The following NXPH1 variants were observed in gnomAD, a reference collection of about 807,000 sequenced individuals.
The protein encoded by NXPH1 is neurexophilin 1, also known as neurexophilin-1.
In NXPH1, 5 loss-of-function variants were observed where a neutral mutation model predicts 23.7. That is an observed-to-expected ratio of 0.21 (90% CI 0.11 to 0.44). The LOEUF is 0.44. Ranked by LOEUF, NXPH1 falls within the 20% of genes least tolerant of loss-of-function variation. The pLI is 0.99. For missense variants in NXPH1, 324 were observed against 321.6 expected (o/e 1.01, Z -0.06); for synonymous variants, 144 against 122.2 (o/e 1.18, Z -1.18).
chr7:8,706,645 A>G (rs1243136199), intron 2 of NXPH1, among the ~76,000 whole-genome samples: 1 of 152,150 alleles, frequency 6.6e-6, no homozygotes, highest in African/African-American at 2.4e-5. Context: ...TTCCGACTCA[A>G]TGGGTTCATG....
At chr7:8,482,842 C>A (rs943781442) in intron 2 of NXPH1, among the ~76,000 whole-genome samples, 2 of 152,178 alleles carry the variant, frequency 1.3e-5, no homozygotes, top group African/African-American at 4.8e-5. Flanking sequence ...TGGATGGTGT[C>A]TTGGATAGAA....
At chr7:8,649,286 A>G (rs1357359552) in intron 2 of NXPH1, among the ~76,000 whole-genome samples, 2 of 151,380 alleles carry the variant, frequency 1.3e-5, no homozygotes, top group African/African-American at 2.4e-5. Flanking sequence ...TGTTTTTCAT[A>G]TGGTATTTAT....
At chr7:8,558,828 A>C (rs1818399541) in intron 2 of NXPH1, among the ~76,000 whole-genome samples, 1 of 151,724 alleles carries the variant, frequency 6.6e-6, no homozygotes, top group African/African-American at 2.4e-5. Flanking sequence ...ATTTTGTTTC[A>C]TAGATGACTG....
chr7:8,466,589 A>G (rs1816789641), intron 2 of NXPH1, among the ~76,000 whole-genome samples: 1 of 152,174 alleles, frequency 6.6e-6, no homozygotes, highest in Non-Finnish European at 1.5e-5. Context: ...TCGAAGGGAC[A>G]TTGTAAATTA....
At chr7:8,566,851 A>AT (rs1028336015) in intron 2 of NXPH1, among the ~76,000 whole-genome samples, 16 of 141,786 alleles carry the variant, frequency 1.1e-4, no homozygotes, top group Admixed American at 2.0e-4. Flanking sequence ...ATTCATTCAT[A>AT]TTTTTTTTCT....
intron 2 of NXPH1, among the ~76,000 whole-genome samples, chr7:8,451,432 A>C (rs1431740350): frequency 1.3e-5 from 2 of 152,190 alleles, no homozygotes; most frequent in Non-Finnish European, 2.9e-5. Context: ...TCTTTTTCTT[A>C]CTAACCTTGA....
intron 2 of NXPH1, among the ~76,000 whole-genome samples, chr7:8,738,217 C>T (rs140631412): frequency 0.011 from 1,622 of 152,290 alleles, 12 homozygotes; most frequent in Non-Finnish European, 0.016. Flanking sequence ...AAGAGGCATT[C>T]TGGATTTGGA....
intron 2 of NXPH1, among the ~76,000 whole-genome samples, chr7:8,703,015 G>T (rs1779650517): frequency 6.6e-6 from 1 of 152,058 alleles, no homozygotes; most frequent in East Asian, 1.9e-4. Flanking sequence ...GCCAATAGAG[G>T]GCACATGAGG....
chr7:8,659,007 T>TA (rs1562445668), intron 2 of NXPH1, among the ~76,000 whole-genome samples: 469 of 17,742 alleles, frequency 0.026, 86 homozygotes, highest in Middle Eastern at 0.17. Context: ...ATATATATAT[T>TA]TTTTTTTTTT....
At chr7:8,452,766 G>A (rs1301451516) in intron 2 of NXPH1, among the ~76,000 whole-genome samples, 6 of 152,104 alleles carry the variant, frequency 3.9e-5, no homozygotes, top group Non-Finnish European at 8.8e-5. Flanking sequence ...ATAGAAGTTG[G>A]TGCCTGATAA....
At chr7:8,439,853 A>G (rs1584155307) in intron 2 of NXPH1, among the ~76,000 whole-genome samples, 1 of 152,212 alleles carries the variant, frequency 6.6e-6, no homozygotes, top group Non-Finnish European at 1.5e-5. Flanking sequence ...AGGGAGAGAG[A>G]CCAGCAATGT....
At chr7:8,668,560 G>A (rs112587231) in intron 2 of NXPH1, among the ~76,000 whole-genome samples, 1 of 152,156 alleles carries the variant, frequency 6.6e-6, no homozygotes, top group Non-Finnish European at 1.5e-5. Flanking sequence ...GAGTCCATGG[G>A]GGTGGGCCTG....
At chr7:8,558,567 T>C (rs1413495511) in intron 2 of NXPH1, among the ~76,000 whole-genome samples, 1 of 151,730 alleles carries the variant, frequency 6.6e-6, no homozygotes, top group Non-Finnish European at 1.5e-5. Flanking sequence ...CTTAGAGCCT[T>C]TTCTTACAAG....
At chr7:8,514,214 C>T (rs373446105) in intron 2 of NXPH1, among the ~76,000 whole-genome samples, 2 of 152,072 alleles carry the variant, frequency 1.3e-5, no homozygotes, top group African/African-American at 2.4e-5. Context: ...CATAACTTAC[C>T]ACATCTTGCC....
At chr7:8,719,832 G>A (rs1264194733) in intron 2 of NXPH1, among the ~76,000 whole-genome samples, 1 of 151,888 alleles carries the variant, frequency 6.6e-6, no homozygotes, top group Non-Finnish European at 1.5e-5. Context: ...TTATTAATGA[G>A]TAAAAATAAA....
At chr7:8,515,641 CT>C (rs1353293655) in intron 2 of NXPH1, among the ~76,000 whole-genome samples, 35 of 152,090 alleles carry the variant, frequency 2.3e-4, no homozygotes, top group Admixed American at 5.9e-4. Context: ...TTCCACATTA[CT>C]TTTTACCATG....
At chr7:8,459,889 C>A (rs987214095) in intron 2 of NXPH1, among the ~76,000 whole-genome samples, 6 of 152,144 alleles carry the variant, frequency 3.9e-5, no homozygotes, top group African/African-American at 1.4e-4. Flanking sequence ...CTGAAGATCC[C>A]TTGAAAATAA....
rs140507005 is a variant in NXPH1, at chr7:8,450,847, G to A, written c.54+15080G>A. Among the ~76,000 whole-genome samples, 1,073 of 152,328 alleles carry A rather than the reference G, an allele frequency of 7.0e-3. 14 individuals carry two copies. The highest frequency in any genetic ancestry group is 0.025 in the African/African-American group (1,024 of 41,564). The stretch of plus-strand genomic sequence containing the variant: ...CATCATTGGCTCAATAGATAATAAT[G>A]TGTTCTATTAGTTTCTAGTAATCTA... On this transcript the variant is annotated intron_variant, in intron 2 of 2. Transcript: ENST00000405863.
At chr7:8,438,073 G>T (rs1482779751) in intron 2 of NXPH1, among the ~76,000 whole-genome samples, 1 of 152,120 alleles carries the variant, frequency 6.6e-6, no homozygotes, top group East Asian at 1.9e-4. Context: ...GCAGAATTCC[G>T]AGCTGTTTTC....
Sources: allele counts gnomAD v4.1 joint callset (sites outside exome capture counted in the v4.1 genomes callset), GRCh38; gene constraint gnomAD v4.1.1; transcripts MANE v1.5; gene names NCBI Gene and HGNC (gene_info 2026-07-23, HGNC 2026-07-21).